Variants in CYP51A1 observed in about 807,000 individuals in gnomAD.
The protein encoded by CYP51A1 is lanosterol 14-alpha demethylase.
A neutral mutation model predicts 53.5 loss-of-function variants in CYP51A1; 45 were observed. The ratio of observed to expected loss-of-function variants is 0.84; its 90% CI spans 0.66 to 1.08. CYP51A1 has a LOEUF of 1.08. CYP51A1 is among the 50% of genes least tolerant of loss of function. The pLI, the probability that CYP51A1 is intolerant of heterozygous loss-of-function variation, is 0.00. For missense variants in CYP51A1, 462 were observed against 621.7 expected (o/e 0.74, Z 2.73); for synonymous variants, 181 against 217.7 (o/e 0.83, Z 1.48).
chr7:92,112,219 A>ATGAG lies in CYP51A1; in HGVS notation c.*1442_*1445dup, dbSNP rs1563172601. On this transcript the variant is annotated 3_prime_UTR_variant, in exon 10 of 10. Coordinates refer to ENST00000003100, the MANE Select transcript of CYP51A1 (RefSeq NM_000786.4). ...TCTGCCTTCACAATTAGAGTTTAAC[A>ATGAG]TGAGTCTTCCAGTGTTTTAAAAAGA... 6.6e-6 allele frequency: 1 copy of ATGAG among 152,236 alleles called. No homozygotes were observed. Among genetic ancestry groups the ATGAG allele is most frequent in the Non-Finnish European group, 1.5e-5 (1 of 68,038 alleles). 9.4% of individuals were successfully genotyped at this position (152,236 alleles called of 1,614,324 possible).
intron 8 of CYP51A1, 65 bp from the exon 9 acceptor site, chr7:92,117,277 T>C (rs562862827): frequency 1.4e-6 from 2 of 1,422,424 alleles, no homozygotes; most frequent in South Asian, 1.2e-5. Context: ...AATCAGATCA[T>C]TGTGTAATAA....
At chr7:92,117,848 C>G (rs1296914268) in intron 8 of CYP51A1, among the ~76,000 whole-genome samples, 1 of 152,014 alleles carries the variant, frequency 6.6e-6, no homozygotes, top group Non-Finnish European at 1.5e-5. Flanking sequence ...ATTAGCCAGG[C>G]ATGGTGGCAT....
At chr7:92,121,217 G>A (rs1819685687) in intron 7 of CYP51A1, among the ~76,000 whole-genome samples, 1 of 151,844 alleles carries the variant, frequency 6.6e-6, no homozygotes. Context: ...GGGAAGCCGA[G>A]GTTGCAGTAA....
At position 92,115,171 on chromosome 7, in the gene CYP51A1, C is replaced by T. The variant is rs538413133; in HGVS notation, c.1352-1328G>A. Among the ~76,000 whole-genome samples, 8 of 152,040 alleles carry T rather than the reference C, an allele frequency of 5.3e-5. No homozygotes were observed. The South Asian group carries it at 8.3e-4, about 16-fold the overall frequency. ...CCAACATAAATAAACAGCACAATTACGAGGTAAAAGAATGAGTAAAGAAAT... is the reference window on the plus strand; with the variant it reads ...CCAACATAAATAAACAGCACAATTATGAGGTAAAAGAATGAGTAAAGAAAT... On this transcript the variant is annotated intron_variant, in intron 9 of 9. Transcript: ENST00000003100.
rs544348865 is a variant in CYP51A1 at position 92,114,826 on chromosome 7, C to T, written c.1352-983G>A. ...TAAAGGTTATTCATTTGTCAAAACTCAATGAATGTTGACTTAAGATTTGGG... is the reference window on the plus strand; with the variant it reads ...TAAAGGTTATTCATTTGTCAAAACTTAATGAATGTTGACTTAAGATTTGGG... On this transcript the variant is annotated intron_variant, in intron 9 of 9. Coordinates refer to ENST00000003100, the MANE Select transcript of CYP51A1 (RefSeq NM_000786.4). Among the ~76,000 whole-genome samples the T allele has an allele frequency of 2.0e-5, 3 of 152,262 alleles. No homozygotes were observed. The South Asian group carries it at 6.2e-4, about 32-fold the overall frequency.
rs778062325 is a variant in CYP51A1, at chr7:92,113,519, C to G, written c.*146G>C. 3.3e-5 allele frequency: 23 copies of G among 700,504 alleles called. No individual in the cohort carries two copies. The highest frequency in any genetic ancestry group is 5.4e-5 in the Non-Finnish European group (23 of 425,966). The allele number at this position is 700,504 out of a possible 1,614,324, so 43.4% of individuals were successfully genotyped here. A position where few individuals can be genotyped will look rare whatever the true frequency, so the allele number is the denominator to read the frequency against. On this transcript the variant is annotated 3_prime_UTR_variant, in exon 10 of 10. Transcript: ENST00000003100. ...ATATTTGATAGAACCATTCAGTTAACAAAATCCTAAATCATAAACTGGCTT... is the reference window on the plus strand; with the variant it reads ...ATATTTGATAGAACCATTCAGTTAAGAAAATCCTAAATCATAAACTGGCTT...
At chr7:92,132,051 G>A (rs1413395639) in intron 1 of CYP51A1, 179 bp from the exon 2 acceptor site, 2 of 516,276 alleles carry the variant, frequency 3.9e-6, no homozygotes, top group Non-Finnish European at 3.6e-6. Flanking sequence ...TACCTCAAGA[G>A]AGTAGCTATT....
chr7:92,132,155 A>G (rs1336341884), intron 1 of CYP51A1, among the ~76,000 whole-genome samples: 1 of 152,226 alleles, frequency 6.6e-6, no homozygotes, highest in Non-Finnish European at 1.5e-5. Context: ...ACTGTCCAGA[A>G]TATGTCCAAT....
chr7:92,114,574 G>A (rs1392508339), intron 9 of CYP51A1, among the ~76,000 whole-genome samples: 1 of 152,062 alleles, frequency 6.6e-6, no homozygotes, highest in African/African-American at 2.4e-5. Context: ...TTCAACATAA[G>A]GTCCAGGAAT....
chr7:92,128,139 C>A (rs921686300), intron 3 of CYP51A1, among the ~76,000 whole-genome samples: 3 of 152,164 alleles, frequency 2.0e-5, no homozygotes, highest in East Asian at 1.9e-4. Context: ...CTCTAAACAG[C>A]GCTTATGTTA....
At position 92,134,347 on chromosome 7, in the gene CYP51A1, C is replaced by G. The variant is rs767179924; in HGVS notation, c.18G>C (p.Gly6=). 2.5e-6 allele frequency: 4 copies of G among 1,585,780 alleles called. No individual in the cohort carries two copies. The highest frequency in any genetic ancestry group is 8.6e-7 in the Non-Finnish European group (1 of 1,162,878). The change falls in exon 1 of 10, where the codon GGG becomes GGC. Residue 6 remains glycine, a synonymous_variant. Coordinates refer to ENST00000003100, the MANE Select transcript of CYP51A1 (RefSeq NM_000786.4). ...CCTGCAGCAAGCCCAGCAGCAGCAT[C>G]CCAGCCGCCGCCGCCATTCACTCCG... The part of the protein sequence containing the change: MAAAA[G]MLLLGLLQAG...
At chr7:92,133,812 C>T (rs903590546) in intron 1 of CYP51A1, among the ~76,000 whole-genome samples, 2 of 152,202 alleles carry the variant, frequency 1.3e-5, no homozygotes, top group African/African-American at 4.8e-5. Flanking sequence ...CCCACAGCCG[C>T]CAATCCAGCC....
intron 1 of CYP51A1, among the ~76,000 whole-genome samples, chr7:92,132,401 T>C (rs938922440): frequency 2.0e-5 from 3 of 152,214 alleles, no homozygotes; most frequent in African/African-American, 4.8e-5. Flanking sequence ...CCCAATACAA[T>C]GTAAAGGCTA....
intron 7 of CYP51A1, among the ~76,000 whole-genome samples, chr7:92,119,037 TCCA>T (rs1170207703): frequency 6.6e-6 from 1 of 152,126 alleles, no homozygotes; most frequent in Non-Finnish European, 1.5e-5. Flanking sequence ...TCTCCCCAAA[TCCA>T]TGGTAGCCCC....
rs908392679 is a variant in CYP51A1, at chr7:92,123,177, A to G, written c.1029T>C (p.Cys343=). Residue 343 remains cysteine, a synonymous_variant, in exon 7 of 10, where the codon TGT becomes TGC. Coordinates refer to ENST00000003100, the MANE Select transcript of CYP51A1 (RefSeq NM_000786.4). ...CACAGACTGTTTTCTGTTCTAAATA[A>G]CATTTTTTTTGAAGTGTTTTGTCTC... ...LARDKTLQKK[C]YLEQKTVCGE... 1.2e-6 allele frequency: 2 copies of G among 1,613,962 alleles called. No homozygotes were observed. The highest frequency in any genetic ancestry group is 1.7e-6 in the Non-Finnish European group (2 of 1,179,866).
chr7:92,114,933 T>C (rs1819554643), intron 9 of CYP51A1, among the ~76,000 whole-genome samples: 1 of 152,226 alleles, frequency 6.6e-6, no homozygotes, highest in Admixed American at 6.5e-5. Flanking sequence ...CCCATAACTG[T>C]ACTTATTTCT....
rs753582931 is a variant in CYP51A1 at position 92,126,434 on chromosome 7, A to C, written c.596-7T>G. The C allele has an allele frequency of 6.3e-7, 1 of 1,579,578 alleles. No individual in the cohort carries two copies. Among genetic ancestry groups the C allele is most frequent in the South Asian group, 1.2e-5 (1 of 84,716 alleles). On this transcript the variant is annotated splice_region_variant and splice_polypyrimidine_tract_variant and intron_variant, in intron 4 of 9. Transcript: ENST00000003100. ...GAAAGAGCTTCAAACACATCTAGGG[A>C]GAAAAAAAAGATTATTCTCATTACT...
intron 7 of CYP51A1, among the ~76,000 whole-genome samples, chr7:92,122,384 C>A (rs1451923723): frequency 6.6e-6 from 1 of 151,694 alleles, no homozygotes; most frequent in Admixed American, 6.6e-5. Context: ...CAAAACCAGT[C>A]AAAGACATCA....
chr7:92,113,627 C>T lies in CYP51A1; in HGVS notation c.*38G>A, dbSNP rs200373494. 3 of 1,580,196 alleles carry T rather than the reference C, an allele frequency of 1.9e-6. No homozygotes were observed. In the Admixed American group the frequency reaches 5.2e-5, roughly 27 times the overall value. ...TCTCTTCGAATGCCTTTGTGGCTTA[C>T]AGTGATAATCACATATATTCGTTCC... On this transcript the variant is annotated 3_prime_UTR_variant, in exon 10 of 10. Coordinates refer to ENST00000003100, the MANE Select transcript of CYP51A1 (RefSeq NM_000786.4).
Sources: allele counts gnomAD v4.1 joint callset (sites outside exome capture counted in the v4.1 genomes callset), GRCh38; gene constraint gnomAD v4.1.1; transcripts MANE v1.5; gene names NCBI Gene and HGNC (gene_info 2026-07-23, HGNC 2026-07-21).